RWDD4: variants seen among roughly 807,000 people sequenced by gnomAD.
The protein encoded by RWDD4 is RWD domain-containing protein 4.
RWDD4 carries 16 observed loss-of-function variants against 30.0 expected under a neutral mutation model. The observed-to-expected ratio is 0.53, with a 90% confidence interval of 0.36 to 0.81. The LOEUF is 0.81. Among genes scored for constraint, RWDD4 ranks in the 30% least tolerant of loss-of-function variants. The pLI is 0.00. For synonymous variants in RWDD4, 45 were observed against 72.1 expected (o/e 0.62, Z 1.90); for missense variants, 170 against 223.9 (o/e 0.76, Z 1.54).
chr4:183,658,968 G>A lies in RWDD4; in HGVS notation c.-16C>T, dbSNP rs757840416. 1.7e-4 allele frequency: 215 copies of A among 1,274,390 alleles called. No individual in the cohort carries two copies. Among genetic ancestry groups the A allele is most frequent in the Non-Finnish European group, 2.0e-4 (206 of 1,011,354 alleles). The allele number at this position is 1,274,390 out of a possible 1,614,324, so 78.9% of individuals were successfully genotyped here. Reference sequence around the variant, plus strand: ...TGGCACTCATCGCGCCGGTCGCGGGGCGCCTCCTGAGCGGACGGCGTTCGC... The same window carrying A: ...TGGCACTCATCGCGCCGGTCGCGGGACGCCTCCTGAGCGGACGGCGTTCGC... On this transcript the variant is annotated 5_prime_UTR_variant, in exon 1 of 8. Coordinates refer to ENST00000326397, the MANE Select transcript of RWDD4 (RefSeq NM_152682.4).
chr4:183,653,987 C>G (rs1417572015), intron 2 of RWDD4, among the ~76,000 whole-genome samples: 1 of 152,140 alleles, frequency 6.6e-6, no homozygotes, highest in East Asian at 1.9e-4. Flanking sequence ...AGAGCAGAGA[C>G]AGGAGACATG....
intron 4 of RWDD4, 67 bp downstream of exon 4, chr4:183,650,911 TAGTACA>T: frequency 6.9e-7 from 1 of 1,457,310 alleles, no homozygotes; most frequent in Non-Finnish European, 9.4e-7. Flanking sequence ...ATATATTAAG[TAGTACA>T]AATTTATTGC....
chr4:183,658,810 G>T, intron 1 of RWDD4, 119 bp downstream of exon 1: 1 of 939,372 alleles, frequency 1.1e-6, no homozygotes, highest in Non-Finnish European at 1.4e-6. Context: ...GGGCACCCCG[G>T]CCGGCTCCGA....
intron 5 of RWDD4, among the ~76,000 whole-genome samples, chr4:183,647,270 A>C: frequency 6.6e-6 from 1 of 152,214 alleles, no homozygotes; most frequent in Admixed American, 6.5e-5. Flanking sequence ...CACTTTATGA[A>C]ACCTTAAAAA....
chr4:183,654,902 CA>C (rs201421243), intron 2 of RWDD4, among the ~76,000 whole-genome samples: 1 of 145,896 alleles, frequency 6.9e-6, no homozygotes, highest in Non-Finnish European at 1.5e-5. Context: ...AAATCTTTTA[CA>C]AAAAAAACTT....
At chr4:183,655,313 T>C (rs1373912662) in intron 2 of RWDD4, among the ~76,000 whole-genome samples, 1 of 151,994 alleles carries the variant, frequency 6.6e-6, no homozygotes, top group Non-Finnish European at 1.5e-5. Flanking sequence ...ATTTTTTTTT[T>C]GAGACAGAGT....
intron 7 of RWDD4, 36 bp from the exon 8 acceptor site, chr4:183,641,504 T>C: frequency 3.2e-6 from 5 of 1,539,818 alleles, no homozygotes; most frequent in Non-Finnish European, 4.5e-6. Context: ...CAACAAGTGG[T>C]ATTTTCTGAG....
chr4:183,651,650 C>A (rs1283588695), intron 2 of RWDD4, among the ~76,000 whole-genome samples: 1 of 152,238 alleles, frequency 6.6e-6, no homozygotes, highest in East Asian at 1.9e-4. Context: ...AATAAGACAT[C>A]AACTTATCCG....
chr4:183,642,002 A>T (rs1733864923), intron 7 of RWDD4, among the ~76,000 whole-genome samples: 1 of 151,990 alleles, frequency 6.6e-6, no homozygotes, highest in Admixed American at 6.6e-5. Context: ...AATTTGGGGT[A>T]AGGGGAGGCA....
intron 1 of RWDD4, among the ~76,000 whole-genome samples, chr4:183,656,940 C>T (rs901944648): frequency 1.4e-4 from 21 of 152,168 alleles, no homozygotes; most frequent in African/African-American, 5.1e-4. Flanking sequence ...GCAAGAGAAT[C>T]GCTTGAACCC....
At chr4:183,650,028 G>C (rs1353904466) in intron 4 of RWDD4, among the ~76,000 whole-genome samples, 5 of 152,090 alleles carry the variant, frequency 3.3e-5, no homozygotes, top group African/African-American at 9.7e-5. Context: ...AAGACACATG[G>C]GTTAATGCAG....
chr4:183,654,778 T>C (rs1490369005), intron 2 of RWDD4, among the ~76,000 whole-genome samples: 1 of 152,182 alleles, frequency 6.6e-6, no homozygotes, highest in Non-Finnish European at 1.5e-5. Flanking sequence ...TAAGGACTGT[T>C]AAGCTTGAAA....
In RWDD4 at chr4:183,641,352, C is replaced by G. The variant is rs1733852560; in HGVS notation, c.*84G>C. The G allele has an allele frequency of 8.7e-7, 1 of 1,151,962 alleles. No homozygotes were observed. The allele number at this position is 1,151,962 out of a possible 1,614,324, so 71.4% of individuals were successfully genotyped here. ...AATTGTGTTTTATAAAAAGTCGCCT[C>G]AATACCAGAAAATAGTAATGAAAGA... is the stretch of plus-strand genomic sequence containing the variant. On this transcript the variant is annotated 3_prime_UTR_variant, in exon 8 of 8. Coordinates refer to ENST00000326397, the MANE Select transcript of RWDD4 (RefSeq NM_152682.4).
intron 7 of RWDD4, among the ~76,000 whole-genome samples, chr4:183,642,639 CTGAT>C (rs1733882209): frequency 6.6e-6 from 1 of 152,130 alleles, no homozygotes; most frequent in Non-Finnish European, 1.5e-5. Context: ...CCTCAACCTA[CTGAT>C]TGAGAAAATT....
chr4:183,656,051 T>C, intron 1 of RWDD4, 90 bp from the exon 2 acceptor site: 1 of 848,988 alleles, frequency 1.2e-6, no homozygotes. Flanking sequence ...CCCACTCAAC[T>C]ATGTAAAAGC....
Position 183,649,448 on chromosome 4 carries a change from A to G in RWDD4, c.481+3T>C, listed in dbSNP as rs1734031611. ...AAAGAAAAGAAAAGAAACACACACAAACCTGTTTTGTCTGCCAGCTTACGC... is the reference window on the plus strand; with the variant it reads ...AAAGAAAAGAAAAGAAACACACACAGACCTGTTTTGTCTGCCAGCTTACGC... On this transcript the variant is annotated splice_donor_region_variant and intron_variant, in intron 5 of 7. Coordinates refer to ENST00000326397, the MANE Select transcript of RWDD4 (RefSeq NM_152682.4). 6.4e-7 allele frequency: 1 copy of G among 1,572,624 alleles called. No individual in the cohort carries two copies.
chr4:183,642,700 A>G (rs116657519), intron 7 of RWDD4, among the ~76,000 whole-genome samples: 484 of 152,302 alleles, frequency 3.2e-3, no homozygotes, highest in African/African-American at 0.011. Context: ...TAGTGCTTTA[A>G]GAGTATTAGT....
At chr4:183,649,176 G>A (rs1734024229) in intron 5 of RWDD4, among the ~76,000 whole-genome samples, 1 of 152,200 alleles carries the variant, frequency 6.6e-6, no homozygotes, top group Non-Finnish European at 1.5e-5. Context: ...CACTTTGGGA[G>A]GCAGAGGCAG....
intron 1 of RWDD4, among the ~76,000 whole-genome samples, chr4:183,656,907 T>C (rs1332011792): frequency 1.3e-5 from 2 of 152,138 alleles, no homozygotes; most frequent in Non-Finnish European, 2.9e-5. Flanking sequence ...GCGCCTGTAG[T>C]CCCAGCTACT....
Sources: gnomAD v4.1 joint callset for allele counts (sites outside exome capture counted in the v4.1 genomes callset) on GRCh38, gnomAD v4.1.1 for gene constraint, MANE v1.5 for transcripts, NCBI Gene and HGNC (gene_info 2026-07-23, HGNC 2026-07-21) for gene names.